Variants in CCN5 observed in about 807,000 individuals in gnomAD.
The protein encoded by CCN5 is CCN family member 5.
Under a neutral mutation model 18.7 loss-of-function variants are expected in CCN5, and 17 were observed. That is an observed-to-expected ratio of 0.91 (90% CI 0.62 to 1.36). The LOEUF is 1.36. Ranked by LOEUF, CCN5 falls within the 40% of genes most tolerant of loss-of-function variation. The pLI is 0.00. For missense variants in CCN5, 367 were observed against 342.9 expected (o/e 1.07, Z -0.56); for synonymous variants, 135 against 145.2 (o/e 0.93, Z 0.50).
Position 44,727,152 on chromosome 20 carries a change from G to T in CCN5, c.598G>T (p.Ala200Ser). Residue 200 changes from alanine (A) to serine (S), a missense_variant, in exon 4 of 4, where the codon GCC (alanine) becomes TCC (serine). By Grantham distance (99) the Ala-to-Ser change is moderately conservative. Transcript: ENST00000190983. The stretch of plus-strand genomic sequence containing the variant: ...TGTCCCCTGCCCAGAATGGAGCACG[G>T]CCTGGGGACCCTGCTCGACCACCTG... ...PGVPCPEWST[A>S]WGPCSTTCGL... The T allele has an allele frequency of 1.2e-6, 2 of 1,613,610 alleles. No individual in the cohort carries two copies. The highest frequency in any genetic ancestry group is 1.7e-6 in the Non-Finnish European group (2 of 1,179,782).
rs143703717 is a variant in CCN5, at chr20:44,717,313, G to GAT, written c.60+1866_60+1867dup. ...GAGATAATTGTACACTAGAATAGTTGATATCATTAATAGCCTCTCCTGGGT... is the reference window on the plus strand; with the variant it reads ...GAGATAATTGTACACTAGAATAGTTGATATATCATTAATAGCCTCTCCTGGGT... On this transcript the variant is annotated intron_variant, in intron 1 of 3. Coordinates refer to ENST00000190983, the MANE Select transcript of CCN5 (RefSeq NM_003881.4). 3.5e-3 allele frequency among the ~76,000 whole-genome samples: 530 copies of GAT among 152,308 alleles called. 12 individuals are homozygous for GAT. The highest frequency in any genetic ancestry group is 0.032 in the East Asian group (168 of 5,184).
At position 44,727,232 on chromosome 20, in the gene CCN5, G is replaced by T. The variant is rs1395983228; in HGVS notation, c.678G>T (p.Glu226Asp). Residue 226 changes from glutamate (E) to aspartate (D), a missense_variant, in exon 4 of 4, where the codon GAG (glutamate) becomes GAT (aspartate). Glu to Asp is a conservative substitution (Grantham distance 45). Coordinates refer to ENST00000190983, the MANE Select transcript of CCN5 (RefSeq NM_003881.4). Reference sequence around the variant, plus strand: ...ACCAGAACCGCTTCTGCCGACTGGAGACCCAGCGCCGCCTGTGCCTGTCCA... The same window carrying T: ...ACCAGAACCGCTTCTGCCGACTGGATACCCAGCGCCGCCTGTGCCTGTCCA... ...VSNQNRFCRL[E>D]TQRRLCLSRP... 6.2e-7 allele frequency: 1 copy of T among 1,613,582 alleles called. No homozygotes were observed. Among genetic ancestry groups the T allele is most frequent in the Non-Finnish European group, 8.5e-7 (1 of 1,180,024 alleles).
chr20:44,726,978 C>A, intron 3 of CCN5, 109 bp from the exon 4 acceptor site: 3 of 1,060,716 alleles, frequency 2.8e-6, no homozygotes, highest in South Asian at 1.7e-5. Flanking sequence ...AACTGAGATG[C>A]AGAGAGGCTG....
At chr20:44,725,137 A>T in intron 3 of CCN5, 145 bp downstream of exon 3, 1 of 1,207,542 alleles carries the variant, frequency 8.3e-7, no homozygotes, top group Non-Finnish European at 1.1e-6. Flanking sequence ...GAGGAGGGAG[A>T]TAAGAAAGAG....
rs200713905 is a variant in CCN5, at chr20:44,727,082, C to G, written c.533-5C>G. On this transcript the variant is annotated splice_region_variant and splice_polypyrimidine_tract_variant and intron_variant, in intron 3 of 3. Transcript: ENST00000190983. ...CAGTGCTAACTCTTGTTCTTTCCCC[C>G]CTAGGACCCCAGTTTTCTGGCCTTG... is the stretch of plus-strand genomic sequence containing the variant. The G allele has an allele frequency of 3.4e-4, 532 of 1,575,678 alleles. 1 individual carries two copies. Among genetic ancestry groups the G allele is most frequent in the Middle Eastern group, 1.6e-3 (9 of 5,732 alleles).
At position 44,720,017 on chromosome 20, in the gene CCN5, G is replaced by A. The variant is rs774695342; in HGVS notation, c.181G>A (p.Gly61Arg). 3.8e-5 allele frequency: 61 copies of A among 1,607,736 alleles called. No individual in the cohort carries two copies. Among genetic ancestry groups the A allele is most frequent in the Non-Finnish European group, 2.5e-5 (30 of 1,179,078 alleles). Reference protein sequence around the residue: ...GCCRVCARRLGEPCDQLHVCD... With the variant: ...GCCRVCARRLREPCDQLHVCD... Reference sequence around the variant, plus strand: ...CTGCCGGGTATGTGCACGGCGGCTGGGGGAGCCCTGCGACCAACTCCACGT... The same window carrying A: ...CTGCCGGGTATGTGCACGGCGGCTGAGGGAGCCCTGCGACCAACTCCACGT... The change falls in exon 2 of 4, where the codon GGG becomes AGG. Residue 61 changes from glycine (G) to arginine (R), a missense_variant. Transcript: ENST00000190983.
chr20:44,719,960 G>A lies in CCN5; in HGVS notation c.124G>A (p.Gly42Arg), dbSNP rs376378811. 2 of 1,613,686 alleles carry A rather than the reference G, an allele frequency of 1.2e-6. No individual in the cohort carries two copies. Among genetic ancestry groups the A allele is most frequent in the African/African-American group, 1.3e-5 (1 of 74,934 alleles). Residue 42 changes from glycine to arginine, a missense_variant, in exon 2 of 4, where the codon GGA (glycine) becomes AGA (arginine). Gly to Arg is a moderately radical substitution (Grantham distance 125). Transcript: ENST00000190983. The stretch of plus-strand genomic sequence containing the variant: ...CTGGCCACCTCCCCGATGCCCGCTG[G>A]GAGTACCCCTGGTGCTGGATGGCTG... ...CPWPPPRCPL[G>R]VPLVLDGCGC... is the part of the protein sequence containing the mutation.
chr20:44,720,136 G>A (rs969589627), intron 2 of CCN5, 23 bp downstream of exon 2: 54 of 1,536,892 alleles, frequency 3.5e-5, no homozygotes, highest in Non-Finnish European at 4.6e-5. Context: ...GCAGGACTGA[G>A]TGGGGGCGGG....
At position 44,727,564 on chromosome 20, in the gene CCN5, C is replaced by T. The variant is rs547010063; in HGVS notation, c.*257C>T. On this transcript the variant is annotated 3_prime_UTR_variant, in exon 4 of 4. Transcript: ENST00000190983. ...GAGGCTGGCCAAGGTGTCCAGGGTC[C>T]TCTAGCCCACTCCCTGCCTACACAC... is the stretch of plus-strand genomic sequence containing the variant. 1.7e-5 allele frequency: 23 copies of T among 1,323,830 alleles called. No homozygotes were observed. In the South Asian group the frequency reaches 3.3e-4, roughly 19 times the overall value. The allele number at this position is 1,323,830 out of a possible 1,614,324, so 82.0% of individuals were successfully genotyped here.
At chr20:44,725,196 G>T (rs1452235910) in intron 3 of CCN5, among the ~76,000 whole-genome samples, 2 of 151,630 alleles carry the variant, frequency 1.3e-5, no homozygotes, top group African/African-American at 4.9e-5. Context: ...CCAGTACGTT[G>T]GGAGGCCAAG....
intron 3 of CCN5, among the ~76,000 whole-genome samples, chr20:44,725,855 T>C (rs1290684271): frequency 6.6e-6 from 1 of 152,116 alleles, no homozygotes; most frequent in Non-Finnish European, 1.5e-5. Flanking sequence ...TTTTAGAGAT[T>C]TTTGTTGTTG....
chr20:44,727,026 G>A, intron 3 of CCN5, 61 bp from the exon 4 acceptor site: 1 of 1,465,314 alleles, frequency 6.8e-7, no homozygotes, highest in Non-Finnish European at 9.1e-7. Context: ...GCTGGCAGGT[G>A]GGTTGATTGA....
chr20:44,727,520 C>A lies in CCN5; in HGVS notation c.*213C>A. The A allele has an allele frequency of 1.4e-6, 2 of 1,388,080 alleles. No homozygotes were observed. Among genetic ancestry groups the A allele is most frequent in the Non-Finnish European group, 1.9e-6 (2 of 1,067,916 alleles). 86.0% of individuals were successfully genotyped at this position (1,388,080 alleles called of 1,614,324 possible). The stretch of plus-strand genomic sequence containing the variant: ...AGAGGTGCAAGACCTAGTCCCCTTT[C>A]CTCTAACTCACTGCCTAGGAGGCTG... On this transcript the variant is annotated 3_prime_UTR_variant, in exon 4 of 4. Transcript: ENST00000190983.
At chr20:44,715,059 T>G (rs528719240), upstream of CCN5, 65 of 281,320 alleles carry the variant, frequency 2.3e-4, no homozygotes, top group South Asian at 7.6e-4. Context: ...AGGCTCTTGG[T>G]GCTGGCACTG....
intron 2 of CCN5, among the ~76,000 whole-genome samples, chr20:44,721,778 A>G (rs2065901750): frequency 6.6e-6 from 1 of 152,218 alleles, no homozygotes; most frequent in Admixed American, 6.5e-5. Flanking sequence ...GGTTTCACAA[A>G]TATAAACTCA....
chr20:44,717,810 C>T (rs771262623), intron 1 of CCN5, among the ~76,000 whole-genome samples: 5 of 148,418 alleles, frequency 3.4e-5, no homozygotes, highest in East Asian at 2.0e-4. Context: ...ACCTGGGAGG[C>T]GAAGGTTGCA....
chr20:44,719,864 G>A (rs1378981322), intron 1 of CCN5, 33 bp from the exon 2 acceptor site: 2 of 1,599,168 alleles, frequency 1.3e-6, no homozygotes, highest in African/African-American at 1.3e-5. Flanking sequence ...CACCTCGAAA[G>A]CCCGTGGCTG....
chr20:44,726,534 C>G (rs1281197184), intron 3 of CCN5, among the ~76,000 whole-genome samples: 1 of 152,076 alleles, frequency 6.6e-6, no homozygotes, highest in Non-Finnish European at 1.5e-5. Flanking sequence ...CAGTTGTGAT[C>G]ACCAAAACTG....
chr20:44,722,159 G>A (rs1310402979), intron 2 of CCN5, among the ~76,000 whole-genome samples: 3 of 152,308 alleles, frequency 2.0e-5, no homozygotes, highest in East Asian at 1.9e-4. Context: ...TTTAGAGGCC[G>A]GGAACTGGTG....
Sources: gnomAD v4.1 joint callset for allele counts (sites outside exome capture counted in the v4.1 genomes callset) on GRCh38, gnomAD v4.1.1 for gene constraint, MANE v1.5 for transcripts, NCBI Gene and HGNC (gene_info 2026-07-23, HGNC 2026-07-21) for gene names.